SNRNP27: variants seen among roughly 807,000 people sequenced by gnomAD.
The protein encoded by SNRNP27 is U4/U6.U5 small nuclear ribonucleoprotein 27 kDa protein.
A neutral mutation model predicts 25.1 loss-of-function variants in SNRNP27; 22 were observed. The ratio of observed to expected loss-of-function variants is 0.88; its 90% CI spans 0.63 to 1.25. SNRNP27 has a LOEUF of 1.25. Ranked by LOEUF, SNRNP27 falls within the 50% of genes most tolerant of loss-of-function variation. The pLI, the probability that SNRNP27 is intolerant of heterozygous loss-of-function variation, is 0.00. For synonymous variants in SNRNP27, 66 were observed against 64.9 expected (o/e 1.02, Z -0.08); for missense variants, 150 against 202.3 (o/e 0.74, Z 1.57).
intron 3 of SNRNP27, among the ~76,000 whole-genome samples, chr2:69,896,926 G>A (rs898281131): frequency 2.0e-5 from 3 of 151,936 alleles, no homozygotes; most frequent in South Asian, 2.1e-4. Context: ...CTCCCGCCTC[G>A]GCCTCCCAAA....
rs58801074 is a variant in SNRNP27, at chr2:69,903,287, G to T, written c.413+42G>T. On this transcript the variant is annotated intron_variant, in intron 5 of 5. Transcript: ENST00000244227. Reference sequence around the variant, plus strand: ...TTATTATGTTTGAACTAATAAATCAGTTTTTTACTTCAAACTTTATTATGA... The same window carrying T: ...TTATTATGTTTGAACTAATAAATCATTTTTTTACTTCAAACTTTATTATGA... 7.0e-3 allele frequency: 9,737 copies of T among 1,384,102 alleles called. 544 individuals carry two copies. In the African/African-American group the frequency reaches 0.12, roughly 18 times the overall value. The allele number at this position is 1,384,102 out of a possible 1,614,324, so 85.7% of individuals were successfully genotyped here. A position where few individuals can be genotyped will look rare whatever the true frequency, so the allele number is the denominator to read the frequency against.
Position 69,896,496 on chromosome 2 carries a change from TGAG to T in SNRNP27, c.219_221del (p.Glu74del). 6.2e-7 allele frequency: 1 copy of T among 1,609,872 alleles called. No homozygotes were observed. Among genetic ancestry groups the T allele is most frequent in the South Asian group, 1.1e-5 (1 of 91,006 alleles). On this transcript the variant is annotated inframe_deletion, in exon 3 of 6. Transcript: ENST00000244227. ...CTTCTCGACTGAAAGAAAGAAGAGA[TGAG>T]GAAAAGAAAGAAACAAAAGAAACAA...
intron 4 of SNRNP27, among the ~76,000 whole-genome samples, chr2:69,901,613 C>A (rs1182582605): frequency 6.6e-6 from 1 of 151,996 alleles, no homozygotes; most frequent in African/African-American, 2.4e-5. Context: ...ACCAGGAGTT[C>A]AAGACCAGCC....
chr2:69,900,533 C>G (rs1676675638), intron 4 of SNRNP27, among the ~76,000 whole-genome samples: 1 of 152,188 alleles, frequency 6.6e-6, no homozygotes. Flanking sequence ...AGACCAAATA[C>G]ATTTATTTTA....
Position 69,897,442 on chromosome 2 carries a change from T to C in SNRNP27, c.334T>C (p.Phe112Leu). 1 of 1,612,510 alleles carries C rather than the reference T, an allele frequency of 6.2e-7. No homozygotes were observed. The highest frequency in any genetic ancestry group is 8.5e-7 in the Non-Finnish European group (1 of 1,178,706). ...EMMKLMGFAS[F>L]DSTKGKKVDG... is the part of the protein sequence containing the mutation. ...GATGAAGTTAATGGGATTTGCCTCC[T>C]TTGACTCCACAAAAGTAAGTAAAAC... The change falls in exon 4 of 6, where the codon TTT (phenylalanine) becomes CTT (leucine). Residue 112 changes from phenylalanine (F) to leucine (L), a missense_variant. This residue lies in a region of SNRNP27 where 142 missense variants were observed against 168.6 expected (regional missense o/e 0.84). Transcript: ENST00000244227.
intron 3 of SNRNP27, among the ~76,000 whole-genome samples, 164 bp from the exon 4 acceptor site, chr2:69,897,212 GT>G (rs1317808368): frequency 6.6e-6 from 1 of 151,802 alleles, no homozygotes; most frequent in African/African-American, 2.4e-5. Context: ...GTTACATTCT[GT>G]CCAAATGTAA....
Position 69,894,022 on chromosome 2 carries a change from A to G in SNRNP27, c.34+4A>G, listed in dbSNP as rs1440551644. The G allele has an allele frequency of 1.9e-6, 3 of 1,613,226 alleles. No individual in the cohort carries two copies. The highest frequency in any genetic ancestry group is 1.7e-5 in the Admixed American group (1 of 60,020). ...CGCAGCCGCTCTCCACGGAGGGGTG[A>G]GTCCTGTAGCAATTCGGAGGATATG... On this transcript the variant is annotated splice_donor_region_variant and intron_variant, in intron 1 of 5. Transcript: ENST00000244227.
Position 69,903,164 on chromosome 2 carries a change from T to C in SNRNP27, c.349-17T>C. ...TCCTTCCTGTTTTTTGTCTGTTTGT[T>C]TATTGTTTTTCTTCAGGGTAAGAAG... On this transcript the variant is annotated splice_polypyrimidine_tract_variant and intron_variant, in intron 4 of 5. Transcript: ENST00000244227. 6.2e-7 allele frequency: 1 copy of C among 1,601,668 alleles called. No homozygotes were observed. The highest frequency in any genetic ancestry group is 8.6e-7 in the Non-Finnish European group (1 of 1,168,742).
Position 69,897,448 on chromosome 2 carries a change from T to G in SNRNP27, c.340T>G (p.Ser114Ala). 1 of 1,610,938 alleles carries G rather than the reference T, an allele frequency of 6.2e-7. No homozygotes were observed. The highest frequency in any genetic ancestry group is 8.5e-7 in the Non-Finnish European group (1 of 1,177,372). Reference protein sequence around the residue: ...MKLMGFASFDSTKGKKVDGSV... With the variant: ...MKLMGFASFDATKGKKVDGSV... ...GTTAATGGGATTTGCCTCCTTTGAC[T>G]CCACAAAAGTAAGTAAAACGTGCAA... is the stretch of plus-strand genomic sequence containing the variant. The change falls in exon 4 of 6, where the codon TCC (serine) becomes GCC (alanine). Residue 114 changes from serine to alanine, a missense_variant. By Grantham distance (99) the Ser-to-Ala change is moderately conservative (BLOSUM62 1). Transcript: ENST00000244227.
At chr2:69,895,387 A>C (rs536855580) in intron 2 of SNRNP27, among the ~76,000 whole-genome samples, 173 bp downstream of exon 2, 1 of 152,258 alleles carries the variant, frequency 6.6e-6, no homozygotes, top group African/African-American at 2.4e-5. Flanking sequence ...AAATGGTGCT[A>C]ATAGTACTCT....
chr2:69,896,712 A>G (rs1393671051), intron 3 of SNRNP27, among the ~76,000 whole-genome samples, 164 bp downstream of exon 3: 1 of 148,114 alleles, frequency 6.8e-6, no homozygotes, highest in African/African-American at 2.5e-5. Context: ...CATTCTTGTC[A>G]CTCAGACTGG....
At chr2:69,900,020 C>T (rs1558561889) in intron 4 of SNRNP27, among the ~76,000 whole-genome samples, 1 of 150,850 alleles carries the variant, frequency 6.6e-6, no homozygotes, top group East Asian at 1.9e-4. Flanking sequence ...ACAGAGTCTT[C>T]CTATGTTGTC....
chr2:69,899,960 C>T (rs1676667181), intron 4 of SNRNP27, among the ~76,000 whole-genome samples: 1 of 150,988 alleles, frequency 6.6e-6, no homozygotes, highest in Non-Finnish European at 1.5e-5. Context: ...CTCATGGCCT[C>T]AAGAAATCCT....
intron 4 of SNRNP27, among the ~76,000 whole-genome samples, chr2:69,898,639 G>C (rs1221652639): frequency 6.6e-6 from 1 of 152,152 alleles, no homozygotes; most frequent in African/African-American, 2.4e-5. Context: ...GTGGCTGTAA[G>C]TTTCTTTCTA....
intron 1 of SNRNP27, 35 bp downstream of exon 1, chr2:69,894,053 CT>C: frequency 6.3e-7 from 1 of 1,585,170 alleles, no homozygotes; most frequent in African/African-American, 1.3e-5. Flanking sequence ...ATATGGGGCT[CT>C]GTTGGAGGCC....
intron 4 of SNRNP27, among the ~76,000 whole-genome samples, chr2:69,899,150 T>C (rs547703948): frequency 1.9e-4 from 29 of 152,306 alleles, no homozygotes; most frequent in African/African-American, 7.0e-4. Flanking sequence ...AAGGAAAACT[T>C]AGGTGAAAAG....
intron 4 of SNRNP27, among the ~76,000 whole-genome samples, chr2:69,900,985 C>A (rs1202549090): frequency 6.6e-6 from 1 of 152,002 alleles, no homozygotes; most frequent in East Asian, 1.9e-4. Context: ...ACCATCCTGG[C>A]CAACATGATG....
At chr2:69,896,287 ACAAT>A in intron 2 of SNRNP27, 145 bp from the exon 3 acceptor site, 1 of 678,914 alleles carries the variant, frequency 1.5e-6, no homozygotes, top group East Asian at 2.6e-5. Flanking sequence ...TTTTTTGTTA[ACAAT>A]CAAGGCCTTG....
chr2:69,902,034 A>C (rs1558562430), intron 4 of SNRNP27, among the ~76,000 whole-genome samples: 1 of 152,170 alleles, frequency 6.6e-6, no homozygotes, highest in African/African-American at 2.4e-5. Flanking sequence ...CTGCTACCCT[A>C]CTTTCTCAGC....
Sources: allele counts gnomAD v4.1 joint callset (sites outside exome capture counted in the v4.1 genomes callset), GRCh38; gene constraint gnomAD v4.1.1; regional missense constraint gnomAD v4.1.1; transcripts MANE v1.5; gene names NCBI Gene and HGNC (gene_info 2026-07-23, HGNC 2026-07-21).